Variants in GLT8D2 observed in about 807,000 individuals in gnomAD.
GLT8D2 encodes the protein glycosyltransferase 8 domain containing 2.
A neutral mutation model predicts 44.5 loss-of-function variants in GLT8D2; 45 were observed. That is an observed-to-expected ratio of 1.01 (90% CI 0.80 to 1.30). GLT8D2 has a LOEUF of 1.30. Among genes scored for constraint, GLT8D2 ranks in the 50% most tolerant of loss-of-function variants. GLT8D2 has a pLI of 0.00. For synonymous variants in GLT8D2, 156 were observed against 157.2 expected (o/e 0.99, Z 0.06); for missense variants, 400 against 430.4 (o/e 0.93, Z 0.62).
In GLT8D2 at chr12:103,992,340, A is replaced by T. The variant is rs552380963; in HGVS notation, c.880+1052T>A. ...AACTGCTTTTTAAAGGATAAATTTT[A>T]ATGGCAGCTTTCTGAATTCATCCTA... is the stretch of plus-strand genomic sequence containing the variant. On this transcript the variant is annotated intron_variant, in intron 10 of 10. Transcript: ENST00000360814. Among the ~76,000 whole-genome samples, 53 of 152,326 alleles carry T rather than the reference A, an allele frequency of 3.5e-4. 3 individuals carry two copies. The South Asian group carries it at 0.011, about 31-fold the overall frequency.
intron 1 of GLT8D2, among the ~76,000 whole-genome samples, chr12:104,022,008 GAAGAAGAAGAAGAAA>G (rs1191960719): frequency 0.044 from 3,069 of 69,624 alleles, 623 homozygotes; most frequent in South Asian, 0.062. Context: ...AGAAGAAGAA[GAAGAAGAAGAAGAAA>G]AAGAAGAAGA....
At chr12:104,011,149 C>T (rs1450418284) in intron 4 of GLT8D2, among the ~76,000 whole-genome samples, 1 of 152,238 alleles carries the variant, frequency 6.6e-6, no homozygotes, top group Non-Finnish European at 1.5e-5. Context: ...GACAAATGCA[C>T]ACTGGAGAAA....
intron 3 of GLT8D2, among the ~76,000 whole-genome samples, chr12:104,016,718 AGAAAG>A (rs1876702158): frequency 1.1e-4 from 4 of 36,680 alleles, no homozygotes; most frequent in African/African-American, 4.0e-4. Context: ...AGAGAAAGAA[AGAAAG>A]AAAGAAAGAA....
At chr12:104,016,834 GAA>G (rs771400079) in intron 3 of GLT8D2, among the ~76,000 whole-genome samples, 7 of 125,704 alleles carry the variant, frequency 5.6e-5, no homozygotes, top group Admixed American at 2.3e-4. Flanking sequence ...AGAAAAGAAA[GAA>G]AGAAAGAAAG....
chr12:104,016,749 AAG>A (rs1449196483), intron 3 of GLT8D2, among the ~76,000 whole-genome samples: 1 of 109,954 alleles, frequency 9.1e-6, no homozygotes, highest in African/African-American at 3.3e-5. Context: ...GAAAGAAAGA[AAG>A]AAAGAAAGAA....
At chr12:104,033,537 C>T (rs1236783166) in intron 1 of GLT8D2, among the ~76,000 whole-genome samples, 2 of 152,076 alleles carry the variant, frequency 1.3e-5, no homozygotes, top group Non-Finnish European at 2.9e-5. Flanking sequence ...AGGGTACAAG[C>T]TTGCCGTTAT....
chr12:103,989,486 A>AG lies in GLT8D2; in HGVS notation c.971dup (p.Ser325Ter), dbSNP rs1177791704. 6.2e-7 allele frequency: 1 copy of AG among 1,613,762 alleles called. No individual in the cohort carries two copies. Among genetic ancestry groups the AG allele is most frequent in the Non-Finnish European group, 8.5e-7 (1 of 1,179,708 alleles). ...TTTCCCATAAGTCGTTGTGAACACT[A>AG]GGGAAGTCCCAAGGTTTATGTCTTC... On this transcript the variant is annotated frameshift_variant, in exon 11 of 11. Coordinates refer to ENST00000360814, the MANE Select transcript of GLT8D2 (RefSeq NM_001384711.1). LOFTEE classifies it high-confidence loss of function.
intron 6 of GLT8D2, among the ~76,000 whole-genome samples, chr12:103,998,714 T>C (rs1282171788): frequency 1.3e-5 from 2 of 152,036 alleles, no homozygotes; most frequent in African/African-American, 4.8e-5. Context: ...GGCCACTAAA[T>C]AAAACTTTTT....
intron 8 of GLT8D2, 65 bp from the exon 9 acceptor site, chr12:103,994,566 T>A: frequency 6.8e-7 from 1 of 1,460,192 alleles, no homozygotes; most frequent in East Asian, 2.3e-5. Context: ...AAATGATCAT[T>A]TTCTTGAAAC....
At chr12:104,011,119 TC>T (rs1211720604) in intron 4 of GLT8D2, among the ~76,000 whole-genome samples, 4 of 152,190 alleles carry the variant, frequency 2.6e-5, no homozygotes, top group Admixed American at 1.3e-4. Context: ...GCCAAAAAGT[TC>T]CCCCTGGACA....
intron 1 of GLT8D2, among the ~76,000 whole-genome samples, chr12:104,041,703 T>C (rs1311851751): frequency 6.6e-6 from 1 of 152,202 alleles, no homozygotes; most frequent in African/African-American, 2.4e-5. Flanking sequence ...CCTCTACGAA[T>C]ATACCAGGCA....
At chr12:104,043,424 C>T (rs1219962851) in intron 1 of GLT8D2, among the ~76,000 whole-genome samples, 1 of 152,148 alleles carries the variant, frequency 6.6e-6, no homozygotes, top group Non-Finnish European at 1.5e-5. Context: ...GAAACATGCC[C>T]TTCCCATAAT....
chr12:104,058,595 G>A (rs969937769), intron 1 of GLT8D2, among the ~76,000 whole-genome samples: 9 of 152,106 alleles, frequency 5.9e-5, no homozygotes, highest in Admixed American at 5.9e-4. Context: ...AGAATCTGAG[G>A]TTCAAAGAGG....
At chr12:104,056,501 T>A (rs1882194640) in intron 1 of GLT8D2, among the ~76,000 whole-genome samples, 1 of 152,246 alleles carries the variant, frequency 6.6e-6, no homozygotes, top group African/African-American at 2.4e-5. Context: ...GAATAGAAAG[T>A]GTAGAAATAT....
chr12:104,063,914 C>T (rs568721615), intron 1 of GLT8D2: 1 of 152,504 alleles, frequency 6.6e-6, no homozygotes, highest in Non-Finnish European at 1.5e-5. Flanking sequence ...AGAAAACCAT[C>T]TCTCCTCTGC....
At chr12:104,062,293 G>A (rs959284780) in intron 1 of GLT8D2, among the ~76,000 whole-genome samples, 48 of 152,070 alleles carry the variant, frequency 3.2e-4, no homozygotes, top group African/African-American at 1.1e-3. Flanking sequence ...GGCTGGTCTC[G>A]AACTCCTGAC....
At position 103,993,496 on chromosome 12, in the gene GLT8D2, A is replaced by T; in HGVS notation, c.776T>A (p.Leu259His). 1 of 1,569,138 alleles carries T rather than the reference A, an allele frequency of 6.4e-7. No homozygotes were observed. Among genetic ancestry groups the T allele is most frequent in the Non-Finnish European group, 8.6e-7 (1 of 1,161,438 alleles). Residue 259 changes from leucine (L) to histidine (H), a missense_variant, in exon 10 of 11, where the codon CTC becomes CAC. Leu to His is a moderately conservative substitution (Grantham distance 99). Coordinates refer to ENST00000360814, the MANE Select transcript of GLT8D2 (RefSeq NM_001384711.1). ...KWMQKNVEEN[L>H]YSSSLGGGVA... ...CCCTCCTCCCAGGGAGCTGCTATAG[A>T]GGTTTTCCCTAAGAAATGAAATAGA...
In GLT8D2 at chr12:104,047,613, C is replaced by A. The variant is rs937875014; in HGVS notation, c.-164+2282G>T. Among the ~76,000 whole-genome samples the A allele has an allele frequency of 5.3e-5, 8 of 152,066 alleles. No homozygotes were observed. In the East Asian group the frequency reaches 5.8e-4, roughly 11 times the overall value. On this transcript the variant is annotated intron_variant, in intron 1 of 10. Coordinates refer to ENST00000360814, the MANE Select transcript of GLT8D2 (RefSeq NM_001384711.1). ...GAGCCGCTGTGCCCAGCCTCTTAGG[C>A]CTATTTTACAAGGGCACTAATCCCA...
rs540726485 is a variant in GLT8D2 at position 104,013,237 on chromosome 12, G to T, written c.112+1776C>A. Reference sequence around the variant, plus strand: ...CCACTCCCAGCTCTAGGCAACCACTGATCTGCTCTGTGTCTCCATAGATTT... The same window carrying T: ...CCACTCCCAGCTCTAGGCAACCACTTATCTGCTCTGTGTCTCCATAGATTT... On this transcript the variant is annotated intron_variant, in intron 4 of 10. Coordinates refer to ENST00000360814, the MANE Select transcript of GLT8D2 (RefSeq NM_001384711.1). Among the ~76,000 whole-genome samples, 10 of 152,294 alleles carry T rather than the reference G, an allele frequency of 6.6e-5. No homozygotes were observed. In the East Asian group the frequency reaches 1.9e-3, roughly 29 times the overall value.
Sources: allele counts gnomAD v4.1 joint callset (sites outside exome capture counted in the v4.1 genomes callset), GRCh38; gene constraint gnomAD v4.1.1; transcripts MANE v1.5; gene names NCBI Gene and HGNC (gene_info 2026-07-23, HGNC 2026-07-21).